Variants in RBM41 observed in about 807,000 individuals in gnomAD.
The protein encoded by RBM41 is RNA-binding protein 41.
A neutral mutation model predicts 30.8 loss-of-function variants in RBM41; 14 were observed. That is an observed-to-expected ratio of 0.45 (90% CI 0.30 to 0.71). RBM41 has a LOEUF of 0.71. RBM41 is among the 30% of genes least tolerant of loss of function. The probability of loss-of-function intolerance (pLI) is 0.08; values close to 1 mark genes in which losing one functional copy is unlikely to be tolerated. For missense variants in RBM41, 276 were observed against 326.3 expected (o/e 0.85, Z 1.19); for synonymous variants, 120 against 110.1 (o/e 1.09, Z -0.56).
chrX:107,079,312 A>T (rs1642984997), intron 6 of RBM41, among the ~76,000 whole-genome samples: 1 of 111,965 alleles, frequency 8.9e-6, no homozygotes, highest in Admixed American at 9.5e-5. Context: ...CCCTTTACTT[A>T]TCTGTAGATT....
Position 107,095,149 on chromosome X carries a change from CA to C in RBM41, c.596-6311del, listed in dbSNP as rs59436196. Among the ~76,000 whole-genome samples, 360 of 51,039 alleles carry C rather than the reference CA, an allele frequency of 7.1e-3. 1 individual carries two copies. The highest frequency in any genetic ancestry group is 0.017 in the African/African-American group (277 of 16,740). 44.3% of individuals were successfully genotyped at this position (51,039 alleles called of 115,157 possible). A position where few individuals can be genotyped will look rare whatever the true frequency, so the allele number is the denominator to read the frequency against. ...GAAGGTTCCAGACAGTATAAGGAGG[CA>C]AAAAAAAAAAAAAAAAAATCCTCCA... On this transcript the variant is annotated intron_variant, in intron 5 of 7. Transcript: ENST00000685964.
chrX:107,116,568 C>T (rs1924892012), intron 2 of RBM41, 82 bp downstream of exon 2: 1 of 1,146,201 alleles, frequency 8.7e-7, no homozygotes, highest in Non-Finnish European at 1.2e-6. Context: ...GGGAGAGGAA[C>T]ATTCCATCTA....
chrX:107,103,385 G>A (rs1419228196), intron 5 of RBM41, among the ~76,000 whole-genome samples: 3 of 108,994 alleles, frequency 2.8e-5, no homozygotes, highest in Non-Finnish European at 5.7e-5. Context: ...GATGACAGAG[G>A]CAGAGATAGG....
chrX:107,099,690 T>TACACAC lies in RBM41; in HGVS notation c.596-10857_596-10852dup, dbSNP rs58279760. ...ACTCTTAAAATGACATCCTGAAAGG[T>TACACAC]ACACACACACACACACACACACACA... On this transcript the variant is annotated intron_variant, in intron 5 of 7. Transcript: ENST00000685964. Among the ~76,000 whole-genome samples the TACACAC allele has an allele frequency of 7.3e-3, 675 of 92,508 alleles. 1 individual carries two copies. The highest frequency in any genetic ancestry group is 0.011 in the African/African-American group (284 of 25,544). 80.3% of individuals were successfully genotyped at this position (92,508 alleles called of 115,157 possible).
chrX:107,117,886 T>C (rs752931214), intron 1 of RBM41, among the ~76,000 whole-genome samples: 1 of 111,650 alleles, frequency 9.0e-6, no homozygotes, highest in Admixed American at 9.5e-5. Flanking sequence ...GAACCTTTAT[T>C]ATTCTTTAAG....
At chrX:107,069,544 TC>T in intron 6 of RBM41, 142 bp from the exon 7 acceptor site, 2 of 635,959 alleles carry the variant, frequency 3.1e-6, no homozygotes, top group Non-Finnish European at 2.2e-6. Flanking sequence ...AACCTTGGCC[TC>T]CCAGGCTCAA....
chrX:107,090,623 T>C (rs1053830336), intron 5 of RBM41, among the ~76,000 whole-genome samples: 2 of 110,603 alleles, frequency 1.8e-5, no homozygotes, highest in Non-Finnish European at 3.8e-5. Flanking sequence ...AATATTTTTG[T>C]AGGGACCCTT....
chrX:107,109,820 T>C (rs1370879156), intron 5 of RBM41, among the ~76,000 whole-genome samples: 1 of 111,650 alleles, frequency 9.0e-6, no homozygotes, highest in Non-Finnish European at 1.9e-5. Flanking sequence ...CCTCAAAATA[T>C]GTTCTAATAT....
At chrX:107,085,222 A>T (rs748787527) in intron 6 of RBM41, among the ~76,000 whole-genome samples, 5 of 107,051 alleles carry the variant, frequency 4.7e-5, no homozygotes, top group African/African-American at 1.0e-4. Context: ...CCCTGGAGGT[A>T]TATTAGAATT....
At position 107,064,651 on chromosome X, in the gene RBM41, A is replaced by AT. The variant is rs770648857; in HGVS notation, c.*2875dup. The stretch of plus-strand genomic sequence containing the variant: ...GTGGTCAGAGGGCATGCTTTGCATG[A>AT]TTTCAGTCTACTTATATTTATTAAG... On this transcript the variant is annotated 3_prime_UTR_variant, in exon 8 of 8. Transcript: ENST00000685964. 4 of 111,846 alleles carry AT rather than the reference A, an allele frequency of 3.6e-5. No homozygotes were observed. In the South Asian group the frequency reaches 1.5e-3, roughly 41 times the overall value. 9.2% of individuals were successfully genotyped at this position (111,846 alleles called of 1,213,427 possible).
the RBM41 span, among the ~76,000 whole-genome samples, chrX:107,054,025 A>G: frequency 9.0e-6 from 1 of 110,693 alleles, no homozygotes; most frequent in Non-Finnish European, 1.9e-5. Flanking sequence ...TCTTCATAGA[A>G]ACTCTTGGTA....
chrX:107,088,540 T>C lies in RBM41; in HGVS notation c.895A>G (p.Ile299Val), dbSNP rs906651940. The stretch of plus-strand genomic sequence containing the variant: ...ATTTCATCTTCTGGGACAAATTCTA[T>C]TGGCTGCGTCAGCTTCTTAGGCCCA... ...WTGPKKLTQPIEFVPEDEIQR... is the reference protein window; with the variant it reads ...WTGPKKLTQPVEFVPEDEIQR... Residue 299 changes from isoleucine (I) to valine (V), a missense_variant, in exon 6 of 8, where the codon ATA becomes GTA. Transcript: ENST00000685964. 2 of 1,209,551 alleles carry C rather than the reference T, an allele frequency of 1.7e-6. No individual in the cohort carries two copies. The highest frequency in any genetic ancestry group is 1.8e-5 in the South Asian group (1 of 56,768).
chrX:107,106,804 G>A (rs940621446), intron 5 of RBM41, among the ~76,000 whole-genome samples: 1 of 104,836 alleles, frequency 9.5e-6, no homozygotes, highest in Non-Finnish European at 1.9e-5. Flanking sequence ...TCACTCATAG[G>A]TGGGAATTGA....
rs922088781 is a variant in RBM41, at chrX:107,080,554, G to A, written c.999+7882C>T. Among the ~76,000 whole-genome samples the A allele has an allele frequency of 3.6e-5, 4 of 110,592 alleles. No individual in the cohort carries two copies. The Admixed American group carries it at 3.9e-4, about 11-fold the overall frequency. ...GACTGCACCACTGCACTCCAGTCTG[G>A]GTGACAGAGAGCGAGACTCTGCCTC... On this transcript the variant is annotated intron_variant, in intron 6 of 7. Transcript: ENST00000685964.
At chrX:107,080,787 T>G (rs1216351015) in intron 6 of RBM41, among the ~76,000 whole-genome samples, 2 of 111,933 alleles carry the variant, frequency 1.8e-5, no homozygotes, top group African/African-American at 6.5e-5. Flanking sequence ...AAGATGAGCT[T>G]CTTTTCGTAT....
intron 4 of RBM41, chrX:107,114,998 C>A: frequency 5.7e-6 from 1 of 175,250 alleles, no homozygotes; most frequent in African/African-American, 3.0e-5. Context: ...CTTTCATAAT[C>A]CTGTTGCTAT....
chrX:107,068,464 G>A (rs1935923314), intron 7 of RBM41, among the ~76,000 whole-genome samples: 1 of 111,248 alleles, frequency 9.0e-6, no homozygotes, highest in African/African-American at 3.3e-5. Context: ...GTATTATGTG[G>A]GGCACCCATA....
At position 107,063,612 on chromosome X, in the gene RBM41, T is replaced by C. The variant is rs1385922801; in HGVS notation, c.*3915A>G. ...TCTTCCTAGGAATTTGTCCACTTCA[T>C]TGATAATTTATTGACATAAAATTAT... On this transcript the variant is annotated 3_prime_UTR_variant, in exon 8 of 8. Transcript: ENST00000685964. Among the ~76,000 whole-genome samples the C allele has an allele frequency of 4.5e-5, 5 of 112,113 alleles. No homozygotes were observed. Among genetic ancestry groups the C allele is most frequent in the South Asian group, 3.7e-4 (1 of 2,703 alleles).
At chrX:107,078,292 T>A (rs1409985738) in intron 6 of RBM41, among the ~76,000 whole-genome samples, 1 of 111,550 alleles carries the variant, frequency 9.0e-6, no homozygotes, top group East Asian at 2.8e-4. Context: ...AAGAAGTCAT[T>A]ATGAGCAGCT....
Sources: gnomAD v4.1 joint callset for allele counts (sites outside exome capture counted in the v4.1 genomes callset) on GRCh38, gnomAD v4.1.1 for gene constraint, MANE v1.5 for transcripts, NCBI Gene and HGNC (gene_info 2026-07-23, HGNC 2026-07-21) for gene names.